CC2D2A: variants seen among roughly 807,000 people sequenced by gnomAD.
The protein encoded by CC2D2A is coiled-coil and C2 domain-containing protein 2A.
A neutral mutation model predicts 212.9 loss-of-function variants in CC2D2A; 155 were observed. The observed-to-expected ratio is 0.73, with a 90% CI of 0.64 to 0.83. The LOEUF (loss-of-function observed/expected upper bound fraction) is 0.83, where lower values mean the gene tolerates loss of function less well. Among genes scored for constraint, CC2D2A ranks in the 40% least tolerant of loss-of-function variants. The pLI is 0.00. For missense variants in CC2D2A, 1,856 were observed against 1,956.2 expected (o/e 0.95, Z 0.97); for synonymous variants, 667 against 686.5 (o/e 0.97, Z 0.44).
intron 9 of CC2D2A, 120 bp downstream of exon 9, chr4:15,514,989 A>G (rs1716779341): frequency 1.2e-6 from 1 of 814,922 alleles, no homozygotes; most frequent in Non-Finnish European, 1.9e-6. Context: ...TAATCTAACA[A>G]TCAAGAAATA....
chr4:15,596,074 G>A lies in CC2D2A; in HGVS notation c.4315-11G>A, dbSNP rs1553845139. On this transcript the variant is annotated splice_polypyrimidine_tract_variant and intron_variant, in intron 33 of 36. Coordinates refer to ENST00000424120, the MANE Select transcript of CC2D2A (RefSeq NM_001378615.1). ...CTAACATATATGCTAATGTAGTCTT[G>A]TCTTTCTTAGATTTGGTTTAATATT... 1.3e-6 allele frequency: 2 copies of A among 1,539,880 alleles called. No homozygotes were observed. The highest frequency in any genetic ancestry group is 4.9e-5 in the East Asian group (2 of 40,730).
intron 4 of CC2D2A, among the ~76,000 whole-genome samples, chr4:15,484,766 T>C (rs927275841): frequency 2.0e-5 from 3 of 152,098 alleles, no homozygotes; most frequent in Non-Finnish European, 2.9e-5. Flanking sequence ...AAAGGGCAGG[T>C]TTGAAGGTAG....
At position 15,533,303 on chromosome 4, in the gene CC2D2A, C is replaced by T; in HGVS notation, c.1577C>T (p.Thr526Ile). The T allele has an allele frequency of 6.3e-7, 1 of 1,584,184 alleles. No individual in the cohort carries two copies. Among genetic ancestry groups the T allele is most frequent in the Non-Finnish European group, 8.6e-7 (1 of 1,165,616 alleles). ...MKSLREFQRF[T>I]NTPLKLVLRK... ...TCCCTTCGAGAGTTCCAGAGATTTA[C>T]AAATACTCCCTTGAAACTTGTTTTG... Residue 526 changes from threonine (T) to isoleucine (I), a missense_variant, in exon 14 of 37, where the codon ACA becomes ATA. Thr to Ile is a moderately conservative substitution (Grantham distance 89). This residue lies in a region of CC2D2A where 1,512 missense variants were observed against 1,579.3 expected (regional missense o/e 0.96). Coordinates refer to ENST00000424120, the MANE Select transcript of CC2D2A (RefSeq NM_001378615.1).
At chr4:15,567,333 G>T in intron 24 of CC2D2A, 44 bp from the exon 25 acceptor site, 1 of 1,376,320 alleles carries the variant, frequency 7.3e-7, no homozygotes, top group Non-Finnish European at 1.0e-6. Flanking sequence ...TATATAATTA[G>T]ACTTCCTCTA....
chr4:15,537,201 T>G, intron 15 of CC2D2A, 125 bp downstream of exon 15: 1 of 751,114 alleles, frequency 1.3e-6, no homozygotes, highest in Non-Finnish European at 2.1e-6. Context: ...CCTCTGTCTC[T>G]TCCCCGTCCC....
chr4:15,496,133 C>T (rs1361509760), intron 4 of CC2D2A, among the ~76,000 whole-genome samples: 3 of 152,066 alleles, frequency 2.0e-5, no homozygotes, highest in Non-Finnish European at 4.4e-5. Context: ...GAATATTAGA[C>T]CTTTGTCAGT....
In CC2D2A at chr4:15,500,075, TTGTGTGTGTGTG is replaced by T. The variant is rs753590658; in HGVS notation, c.248-2332_248-2321del. 3.8e-4 allele frequency among the ~76,000 whole-genome samples: 47 copies of T among 124,420 alleles called. 1 individual carries two copies. The highest frequency in any genetic ancestry group is 1.4e-3 in the African/African-American group (44 of 31,758). 81.6% of individuals were successfully genotyped at this position (124,420 alleles called of 152,430 possible). On this transcript the variant is annotated intron_variant, in intron 4 of 36. Transcript: ENST00000424120. ...TAAAGTGTACTTACACAAACCTAGA[TTGTGTGTGTGTG>T]TGTGTGTGTGTGTGTGTGTGTATAT...
chr4:15,561,279 T>C (rs888293233), intron 23 of CC2D2A, among the ~76,000 whole-genome samples: 2 of 152,224 alleles, frequency 1.3e-5, no homozygotes, highest in African/African-American at 2.4e-5. Flanking sequence ...GCAGGCCACA[T>C]GACCTTTTCT....
At position 15,559,473 on chromosome 4, in the gene CC2D2A, A is replaced by G. The variant is rs59055524; in HGVS notation, c.2922+216A>G. ...GGCTATGTTCTGGTTTATTATCAGC[A>G]GTTACCTTTTAATGGGTCATGATTA... is the stretch of plus-strand genomic sequence containing the variant. On this transcript the variant is annotated intron_variant, in intron 22 of 36. Transcript: ENST00000424120. 0.41 allele frequency among the ~76,000 whole-genome samples: 61,972 copies of G among 152,060 alleles called. 12,842 individuals carry two copies. The highest frequency in any genetic ancestry group is 0.49 in the East Asian group (2,521 of 5,178).
At chr4:15,531,043 C>T (rs1007658285) in intron 13 of CC2D2A, among the ~76,000 whole-genome samples, 1 of 152,174 alleles carries the variant, frequency 6.6e-6, no homozygotes, top group African/African-American at 2.4e-5. Flanking sequence ...GTCTTGAACA[C>T]ATAAAAATTC....
intron 3 of CC2D2A, chr4:15,479,399 G>A: frequency 1.6e-6 from 2 of 1,226,452 alleles, no homozygotes; most frequent in Non-Finnish European, 2.3e-6. Flanking sequence ...TGGGAGCTCT[G>A]CTTGGAACAA....
chr4:15,530,003 A>G (rs898398147), intron 13 of CC2D2A, among the ~76,000 whole-genome samples: 130 of 150,324 alleles, frequency 8.6e-4, no homozygotes, highest in Admixed American at 1.1e-3. Flanking sequence ...ACGGAGTCTC[A>G]CTCTGTCGCC....
chr4:15,567,188 T>G (rs1345171757), intron 24 of CC2D2A, among the ~76,000 whole-genome samples, 189 bp from the exon 25 acceptor site: 2 of 151,904 alleles, frequency 1.3e-5, no homozygotes, highest in Non-Finnish European at 2.9e-5. Flanking sequence ...GAGGCTGAGG[T>G]GGGAGGATCA....
At chr4:15,582,115 T>C (rs973097675) in intron 30 of CC2D2A, among the ~76,000 whole-genome samples, 1 of 152,104 alleles carries the variant, frequency 6.6e-6, no homozygotes, top group Non-Finnish European at 1.5e-5. Flanking sequence ...CAATAGAGCA[T>C]TGGAATTGAC....
chr4:15,522,901 C>T lies in CC2D2A; in HGVS notation c.1150-4546C>T, dbSNP rs145733983. Among the ~76,000 whole-genome samples the T allele has an allele frequency of 5.3e-3, 795 of 151,356 alleles. 10 individuals are homozygous for T. The highest frequency in any genetic ancestry group is 0.018 in the African/African-American group (755 of 41,302). ...TGGGAGGCCGAGGTGGGCAGATCAC[C>T]TGAGATCAGGAGTTCAAGACCAGCC... On this transcript the variant is annotated intron_variant, in intron 11 of 36. Coordinates refer to ENST00000424120, the MANE Select transcript of CC2D2A (RefSeq NM_001378615.1).
chr4:15,587,627 A>T (rs944523290), intron 31 of CC2D2A, among the ~76,000 whole-genome samples, 189 bp from the exon 32 acceptor site: 1 of 152,216 alleles, frequency 6.6e-6, no homozygotes, highest in Non-Finnish European at 1.5e-5. Context: ...ATGTCAGAGA[A>T]AACACCATGC....
intron 23 of CC2D2A, among the ~76,000 whole-genome samples, chr4:15,562,856 A>T (rs1193092561): frequency 6.6e-6 from 1 of 152,250 alleles, no homozygotes; most frequent in Non-Finnish European, 1.5e-5. Flanking sequence ...ACCCACTGTC[A>T]TGTGAAGGGA....
At chr4:15,503,129 C>T (rs1228731998) in intron 6 of CC2D2A, among the ~76,000 whole-genome samples, 1 of 151,382 alleles carries the variant, frequency 6.6e-6, no homozygotes, top group Non-Finnish European at 1.5e-5. Flanking sequence ...AGACCCCACC[C>T]CTACTAAAAA....
Position 15,569,329 on chromosome 4 carries a change from G to A in CC2D2A, c.3435G>A (p.Gln1145=), listed in dbSNP as rs1479626818. ...GAGATTATAGCACAGCCAGTCTGCAGTCAGTGAAAGATGTTGTGTTCATTA... is the reference window on the plus strand; with the variant it reads ...GAGATTATAGCACAGCCAGTCTGCAATCAGTGAAAGATGTTGTGTTCATTA... ...PNGDYSTASL[Q]SVKDVVFINI... The change falls in exon 27 of 37, where the codon CAG becomes CAA. Residue 1145 remains glutamine, a synonymous_variant. Transcript: ENST00000424120. 6.3e-7 allele frequency: 1 copy of A among 1,583,894 alleles called. No homozygotes were observed. The highest frequency in any genetic ancestry group is 2.3e-5 in the East Asian group (1 of 43,956).
Sources: allele counts gnomAD v4.1 joint callset (sites outside exome capture counted in the v4.1 genomes callset), GRCh38; gene constraint gnomAD v4.1.1; regional missense constraint gnomAD v4.1.1; transcripts MANE v1.5; gene names NCBI Gene and HGNC (gene_info 2026-07-23, HGNC 2026-07-21).